MYO18A: variants seen among roughly 807,000 people sequenced by gnomAD.
MYO18A encodes the protein unconventional myosin-XVIIIa.
A neutral mutation model predicts 235.8 loss-of-function variants in MYO18A; 78 were observed. The observed-to-expected ratio is 0.33, with a 90% CI of 0.28 to 0.40. The LOEUF (loss-of-function observed/expected upper bound fraction) is 0.40. MYO18A is among the 10% of genes least tolerant of loss of function. MYO18A has a pLI of 1.00. For synonymous variants in MYO18A, 977 were observed against 1,077.8 expected, an observed-to-expected ratio of 0.91 and a Z score of 1.83; for missense variants, 2,215 against 2,699.3, an observed-to-expected ratio of 0.82 and a Z score of 3.98.
chr17:29,078,807 G>C (rs990011090), intron 41 of MYO18A: 1 of 152,324 alleles, frequency 6.6e-6, no homozygotes, highest in South Asian at 2.1e-4. Flanking sequence ...TCCCCACAGG[G>C]AGAAGAGCTG....
At chr17:29,154,121 T>TGTGTGTGTGTGTGTGTGTGTGCGCGCGC (rs142430455) in intron 2 of MYO18A, among the ~76,000 whole-genome samples, 4 of 149,000 alleles carry the variant, frequency 2.7e-5, no homozygotes, top group African/African-American at 7.6e-5. Flanking sequence ...TGTGTGTGTG[T>TGTGTGTGTGTGTGTGTGTGTGCGCGCGC]GCGCGCGCGT....
intron 8 of MYO18A, among the ~76,000 whole-genome samples, chr17:29,119,094 C>T (rs1186848443): frequency 1.3e-5 from 2 of 152,108 alleles, no homozygotes; most frequent in Admixed American, 1.3e-4. Flanking sequence ...GGCTGTTCCC[C>T]TCCAATACAG....
At chr17:29,165,837 G>T in intron 2 of MYO18A, 105 bp downstream of exon 2, 1 of 1,114,098 alleles carries the variant, frequency 9.0e-7, no homozygotes, top group Non-Finnish European at 1.3e-6. Flanking sequence ...CTTACACACT[G>T]CTAGGCTCTG....
At position 29,166,981 on chromosome 17, in the gene MYO18A, T is replaced by C; in HGVS notation, c.-41A>G. ...TGTAGGGGTAGCACCCCCAGAGGAT[T>C]ATGAGTGCTTAGCACAGGGCCTTGG... On this transcript the variant is annotated 5_prime_UTR_variant, in exon 2 of 42. It adds an upstream start codon to the 5' untranslated region. Coordinates refer to ENST00000527372, the MANE Select transcript of MYO18A (RefSeq NM_078471.4). 2 of 1,489,400 alleles carry C rather than the reference T, an allele frequency of 1.3e-6. No individual in the cohort carries two copies. The highest frequency in any genetic ancestry group is 1.8e-6 in the Non-Finnish European group (2 of 1,115,414). The allele number at this position is 1,489,400 out of a possible 1,614,324, so 92.3% of individuals were successfully genotyped here.
At position 29,117,692 on chromosome 17, in the gene MYO18A, G is replaced by A. The variant is rs1277750766; in HGVS notation, c.2038+353C>T. Among the ~76,000 whole-genome samples, 1 of 152,154 alleles carries A rather than the reference G, an allele frequency of 6.6e-6. No individual in the cohort carries two copies. The highest frequency in any genetic ancestry group is 1.9e-4 in the East Asian group (1 of 5,196). On this transcript the variant is annotated intron_variant, in intron 10 of 41. Transcript: ENST00000527372. This position sits in a 1 kb window ranked among gnomAD's most constrained non-coding sequence, Gnocchi z 4.6. ...AGGGCGGGGCCAAGGTCAGTTACCC[G>A]CTTGCTCCTCGGGGGCCTCTGTCAG...
intron 2 of MYO18A, among the ~76,000 whole-genome samples, chr17:29,134,459 G>A (rs991407869): frequency 5.3e-5 from 8 of 152,196 alleles, no homozygotes; most frequent in Non-Finnish European, 8.8e-5. Context: ...CTAGACAATG[G>A]CTCAAGGCCT....
At chr17:29,082,499 G>A (rs2066145558) in intron 40 of MYO18A, 61 bp from the exon 41 acceptor site, 1 of 1,560,450 alleles carries the variant, frequency 6.4e-7, no homozygotes, top group African/African-American at 1.4e-5. Flanking sequence ...CACGAGGGGA[G>A]CAGATGGGGG....
intron 39 of MYO18A, 82 bp downstream of exon 39, chr17:29,086,356 T>G: frequency 6.7e-7 from 1 of 1,487,536 alleles, no homozygotes; most frequent in South Asian, 1.2e-5. Flanking sequence ...AGGTTGCAAC[T>G]GTTCTACCTG....
chr17:29,165,936 A>G lies in MYO18A; in HGVS notation c.999+6T>C. On this transcript the variant is annotated splice_donor_region_variant and intron_variant, in intron 2 of 41. Transcript: ENST00000527372. Reference sequence around the variant, plus strand: ...GCTTAGCCCAGGTGCCCAGGGAAGCACTCACATCGGATGGCTCCCTGCGAG... The same window carrying G: ...GCTTAGCCCAGGTGCCCAGGGAAGCGCTCACATCGGATGGCTCCCTGCGAG... 2 of 1,608,894 alleles carry G rather than the reference A, an allele frequency of 1.2e-6. No individual in the cohort carries two copies. Among genetic ancestry groups the G allele is most frequent in the South Asian group, 1.1e-5 (1 of 90,618 alleles).
Position 29,093,561 on chromosome 17 carries a change from CA to C in MYO18A, c.4822-135del. The C allele has an allele frequency of 5.8e-6, 4 of 692,152 alleles. 1 individual carries two copies. Among genetic ancestry groups the C allele is most frequent in the Non-Finnish European group, 9.9e-6 (4 of 402,336 alleles). The allele number at this position is 692,152 out of a possible 1,614,324, so 42.9% of individuals were successfully genotyped here. On this transcript the variant is annotated intron_variant, in intron 31 of 41. Coordinates refer to ENST00000527372, the MANE Select transcript of MYO18A (RefSeq NM_078471.4). The stretch of plus-strand genomic sequence containing the variant: ...AGCACAATGATGTTGGTGGAGGGGT[CA>C]GAACCTAAATTCCAGGTTTCTAGGG...
rs371241076 is a variant in MYO18A, at chr17:29,107,223, C to T, written c.3332-34G>A. On this transcript the variant is annotated intron_variant, in intron 19 of 41. Coordinates refer to ENST00000527372, the MANE Select transcript of MYO18A (RefSeq NM_078471.4). ...AGCAGCCCAGAGCCAGGCCTGTCAA[C>T]GCCACCTGCTCCCAGCACACCCCAG... 5.4e-5 allele frequency: 87 copies of T among 1,600,418 alleles called. 1 individual carries two copies. The highest frequency in any genetic ancestry group is 4.1e-4 in the African/African-American group (31 of 74,742).
chr17:29,122,143 C>T (rs1598341310), intron 3 of MYO18A, 23 bp downstream of exon 3: 1 of 1,604,738 alleles, frequency 6.2e-7, no homozygotes, highest in East Asian at 2.2e-5. Context: ...CTGACATGTG[C>T]CCCCAGACCC....
chr17:29,105,680 G>A (rs879642792), intron 20 of MYO18A, among the ~76,000 whole-genome samples: 9 of 152,190 alleles, frequency 5.9e-5, no homozygotes, highest in Admixed American at 5.2e-4. Flanking sequence ...GGTGAGCCAG[G>A]AAGGTGGGGC....
intron 2 of MYO18A, chr17:29,127,961 C>A: frequency 1.0e-6 from 1 of 1,003,956 alleles, no homozygotes; most frequent in Non-Finnish European, 1.2e-6. Flanking sequence ...GGCTGGGGAG[C>A]GCTGCTTCTT....
intron 30 of MYO18A, 104 bp downstream of exon 30, chr17:29,094,546 G>T: frequency 1.7e-6 from 2 of 1,177,370 alleles, no homozygotes; most frequent in South Asian, 1.3e-5. Context: ...GTGAATACGC[G>T]AATGAATGGA....
Position 29,086,442 on chromosome 17 carries a change from T to C in MYO18A, c.5848A>G (p.Asn1950Asp). The C allele has an allele frequency of 6.3e-7, 1 of 1,599,640 alleles. No homozygotes were observed. The highest frequency in any genetic ancestry group is 8.5e-7 in the Non-Finnish European group (1 of 1,172,882). Residue 1950 changes from asparagine to aspartate, a missense_variant, in exon 39 of 42, where the codon AAC becomes GAC. Coordinates refer to ENST00000527372, the MANE Select transcript of MYO18A (RefSeq NM_078471.4). ...MESDENEDLI[N>D]SLQDMVTKYQ... ...GCCCCAGAGGCCACTTCTCACCTGT[T>C]GATGAGGTCCTCATTCTCATCACTC...
At position 29,166,813 on chromosome 17, in the gene MYO18A, C is replaced by G; in HGVS notation, c.128G>C (p.Arg43Pro). 1.2e-6 allele frequency: 2 copies of G among 1,601,758 alleles called. No individual in the cohort carries two copies. The highest frequency in any genetic ancestry group is 1.7e-6 in the Non-Finnish European group (2 of 1,174,642). Residue 43 changes from arginine to proline, a missense_variant, in exon 2 of 42, where the codon CGT (arginine) becomes CCT (proline). By Grantham distance (103) the Arg-to-Pro change is moderately radical. Transcript: ENST00000527372. ...LRSLEEMSLR[R>P]GFFNLNRSSK... ...GGAGCGGTTCAGGTTGAAGAAGCCA[C>G]GTCGCAGGCTCATCTCCTCCAGGCT... is the stretch of plus-strand genomic sequence containing the variant.
At chr17:29,148,655 T>C (rs1242351114) in intron 2 of MYO18A, among the ~76,000 whole-genome samples, 2 of 151,908 alleles carry the variant, frequency 1.3e-5, no homozygotes, top group African/African-American at 4.8e-5. Flanking sequence ...ACAGTAGTGT[T>C]AGGAGACAGC....
intron 40 of MYO18A, among the ~76,000 whole-genome samples, chr17:29,083,939 G>A (rs898309607): frequency 9.2e-5 from 14 of 152,226 alleles, no homozygotes; most frequent in African/African-American, 3.1e-4. Flanking sequence ...TGTTAAAAGC[G>A]TTTCCATATA....
Sources: gnomAD v4.1 joint callset for allele counts (sites outside exome capture counted in the v4.1 genomes callset) on GRCh38, gnomAD v4.1.1 for gene constraint, Gnocchi (gnomAD v3.1) non-coding constraint, MANE v1.5 for transcripts, NCBI Gene and HGNC (gene_info 2026-07-23, HGNC 2026-07-21) for gene names.